DCLK2: variants seen among roughly 807,000 people sequenced by gnomAD.
The protein encoded by DCLK2 is doublecortin like kinase 2.
Under a neutral mutation model 78.4 loss-of-function variants are expected in DCLK2, and 31 were observed. That is an observed-to-expected ratio of 0.40 (90% CI 0.30 to 0.53). The LOEUF (loss-of-function observed/expected upper bound fraction) is 0.53, where lower values mean the gene tolerates loss of function less well. Ranked by LOEUF, DCLK2 falls within the 20% of genes least tolerant of loss-of-function variation. The probability of loss-of-function intolerance (pLI) is 0.61; values close to 1 mark genes in which losing one functional copy is unlikely to be tolerated. For synonymous variants in DCLK2, 407 were observed against 374.9 expected, an observed-to-expected ratio of 1.09 and a Z score of -0.99; for missense variants, 872 against 973.7, an observed-to-expected ratio of 0.90 and a Z score of 1.39.
intron 2 of DCLK2, among the ~76,000 whole-genome samples, chr4:150,172,241 T>A (rs972745783): frequency 2.6e-5 from 4 of 152,274 alleles, no homozygotes. Context: ...TCATCCTTTT[T>A]AAATTTTCTT....
chr4:150,247,632 A>T lies in DCLK2; in HGVS notation c.1808A>T (p.Asp603Val). The change falls in exon 13 of 16, where the codon GAC becomes GTC. Residue 603 changes from aspartate (D) to valine (V), a missense_variant. By Grantham distance (152) the Asp-to-Val change is radical. This residue lies in a region of DCLK2 where 219 missense variants were observed against 230.1 expected (regional missense o/e 0.95). Transcript: ENST00000296550. ...SENNLQEDLFDQILAGKLEFP... is the reference protein window; with the variant it reads ...SENNLQEDLFVQILAGKLEFP... ...AACAATCTCCAGGAAGATCTCTTCG[A>T]CCAGATCTTGGCTGGGAAGCTGGAG... The T allele has an allele frequency of 6.2e-7, 1 of 1,614,030 alleles. No homozygotes were observed. The highest frequency in any genetic ancestry group is 2.2e-5 in the East Asian group (1 of 44,880).
chr4:150,157,559 C>A (rs900692693), intron 2 of DCLK2, among the ~76,000 whole-genome samples: 2 of 151,322 alleles, frequency 1.3e-5, no homozygotes, highest in Non-Finnish European at 2.9e-5. Flanking sequence ...CTTGTTCAGG[C>A]TGGAGTGCAG....
intron 10 of DCLK2, among the ~76,000 whole-genome samples, chr4:150,235,151 C>T (rs909360567): frequency 3.3e-5 from 5 of 152,180 alleles, no homozygotes; most frequent in African/African-American, 1.2e-4. Context: ...ATTTAAGGCC[C>T]AGCAAAGAAG....
At chr4:150,140,460 C>G (rs1032699310) in intron 2 of DCLK2, among the ~76,000 whole-genome samples, 2 of 152,142 alleles carry the variant, frequency 1.3e-5, no homozygotes, top group African/African-American at 2.4e-5. Context: ...TTGAGGACCC[C>G]AATGGTGACG....
chr4:150,161,355 C>T (rs764816013), intron 2 of DCLK2, among the ~76,000 whole-genome samples: 21 of 152,206 alleles, frequency 1.4e-4, no homozygotes, highest in African/African-American at 5.1e-4. Context: ...TGCAGAGCTA[C>T]TTGATAGGCC....
At chr4:150,175,011 A>ATATAT (rs1553964170) in intron 2 of DCLK2, among the ~76,000 whole-genome samples, 152 of 9,980 alleles carry the variant, frequency 0.015, 43 homozygotes, top group African/African-American at 0.034. Context: ...AAAAAAAAAA[A>ATATAT]ATATATATAT....
intron 1 of DCLK2, among the ~76,000 whole-genome samples, chr4:150,095,280 G>A (rs904218754): frequency 6.6e-6 from 1 of 152,120 alleles, no homozygotes; most frequent in Non-Finnish European, 1.5e-5. Context: ...GGCAACAACA[G>A]CCTGGCTCTT....
intron 2 of DCLK2, among the ~76,000 whole-genome samples, chr4:150,142,066 A>G (rs561734327): frequency 4.6e-5 from 7 of 152,322 alleles, no homozygotes; most frequent in African/African-American, 1.4e-4. Context: ...AGATCATGAA[A>G]TATCTGATTT....
intron 2 of DCLK2, among the ~76,000 whole-genome samples, chr4:150,188,726 C>T (rs1403653704): frequency 2.6e-5 from 4 of 151,774 alleles, no homozygotes; most frequent in African/African-American, 9.7e-5. Context: ...ATGGTGAAGC[C>T]CCATCTCTAC....
At chr4:150,117,415 T>G (rs931701125) in intron 2 of DCLK2, among the ~76,000 whole-genome samples, 1 of 152,228 alleles carries the variant, frequency 6.6e-6, no homozygotes, top group Non-Finnish European at 1.5e-5. Flanking sequence ...TATGCCCTTC[T>G]TGGTCTGCCC....
chr4:150,236,248 T>G (rs577166343), intron 10 of DCLK2, among the ~76,000 whole-genome samples: 2 of 152,328 alleles, frequency 1.3e-5, no homozygotes, highest in East Asian at 3.9e-4. Flanking sequence ...TGTGATTGTT[T>G]AAATTCACTC....
intron 2 of DCLK2, among the ~76,000 whole-genome samples, chr4:150,107,539 G>A (rs1295208123): frequency 1.3e-5 from 2 of 151,784 alleles, no homozygotes; most frequent in South Asian, 4.2e-4. Flanking sequence ...ACCATGCCTG[G>A]CTAATTTTTG....
intron 2 of DCLK2, among the ~76,000 whole-genome samples, chr4:150,117,364 A>G (rs1732170599): frequency 2.0e-5 from 3 of 152,286 alleles, no homozygotes; most frequent in South Asian, 4.1e-4. Flanking sequence ...GCCTCAGGCC[A>G]TAAGCCTTCC....
chr4:150,181,079 G>A (rs1737475896), intron 2 of DCLK2, among the ~76,000 whole-genome samples: 1 of 152,176 alleles, frequency 6.6e-6, no homozygotes, highest in Non-Finnish European at 1.5e-5. Flanking sequence ...CTACATGGCT[G>A]TCCACTCTTG....
intron 2 of DCLK2, among the ~76,000 whole-genome samples, chr4:150,106,079 T>G (rs1011011216): frequency 6.6e-6 from 1 of 151,964 alleles, no homozygotes; most frequent in African/African-American, 2.4e-5. Context: ...AAAGATCTTT[T>G]AAGACTTTCA....
At chr4:150,126,504 C>A (rs945573793) in intron 2 of DCLK2, among the ~76,000 whole-genome samples, 1 of 152,136 alleles carries the variant, frequency 6.6e-6, no homozygotes, top group African/African-American at 2.4e-5. Flanking sequence ...TAAGGATATT[C>A]CAGGCCGTGG....
intron 5 of DCLK2, among the ~76,000 whole-genome samples, chr4:150,220,058 A>G (rs1474082404): frequency 6.6e-6 from 1 of 152,224 alleles, no homozygotes; most frequent in Non-Finnish European, 1.5e-5. Context: ...AAGCCGGAGA[A>G]GGACTTGGAC....
chr4:150,166,629 T>C (rs572166355), intron 2 of DCLK2, among the ~76,000 whole-genome samples: 1 of 152,214 alleles, frequency 6.6e-6, no homozygotes, highest in Non-Finnish European at 1.5e-5. Flanking sequence ...GTGTGATGAG[T>C]ACACATTTTC....
intron 2 of DCLK2, among the ~76,000 whole-genome samples, chr4:150,142,654 A>G (rs894285452): frequency 1.3e-5 from 2 of 152,196 alleles, no homozygotes; most frequent in Non-Finnish European, 2.9e-5. Context: ...GAAATAATAT[A>G]TTAAATAAAC....
Sources: gnomAD v4.1 joint callset for allele counts (sites outside exome capture counted in the v4.1 genomes callset) on GRCh38, gnomAD v4.1.1 for gene constraint, gnomAD v4.1.1 regional missense constraint, MANE v1.5 for transcripts, NCBI Gene and HGNC (gene_info 2026-07-23, HGNC 2026-07-21) for gene names.